The following SORCS2 variants were observed in gnomAD, a reference collection of about 807,000 sequenced individuals.
SORCS2 encodes VPS10 domain-containing receptor SorCS2.
A neutral mutation model predicts 141.6 loss-of-function variants in SORCS2; 100 were observed. That is an observed-to-expected ratio of 0.71 (90% CI 0.60 to 0.83). The LOEUF (loss-of-function observed/expected upper bound fraction) is 0.83, where lower values mean the gene tolerates loss of function less well. Among genes scored for constraint, SORCS2 ranks in the 40% least tolerant of loss-of-function variants. SORCS2 has a pLI of 0.00. For synonymous variants in SORCS2, 789 were observed against 676.9 expected (o/e 1.17, Z -2.57); for missense variants, 1,646 against 1,560.2 (o/e 1.05, Z -0.93).
intron 3 of SORCS2, among the ~76,000 whole-genome samples, chr4:7,610,633 T>C (rs1223384898): frequency 2.6e-5 from 4 of 151,980 alleles, no homozygotes; most frequent in African/African-American, 7.3e-5. Context: ...CAGAGTGGTG[T>C]GGAGGGGGCA....
chr4:7,269,456 C>T (rs116785541), intron 1 of SORCS2, among the ~76,000 whole-genome samples: 2 of 152,206 alleles, frequency 1.3e-5, no homozygotes, highest in Admixed American at 6.5e-5. Flanking sequence ...GAAATCAGAT[C>T]TTTATGGATG....
intron 2 of SORCS2, among the ~76,000 whole-genome samples, chr4:7,528,403 T>A (rs1434097993): frequency 4.5e-4 from 17 of 38,036 alleles, no homozygotes; most frequent in African/African-American, 9.8e-4. Context: ...AGCTGCTACG[T>A]TTTTTTTTTT....
chr4:7,480,390 C>T (rs868213337), intron 2 of SORCS2, among the ~76,000 whole-genome samples: 10 of 152,222 alleles, frequency 6.6e-5, no homozygotes, highest in African/African-American at 2.2e-4. Flanking sequence ...ACTCCTTCCC[C>T]TCTGGTACCC....
chr4:7,203,037 A>G (rs2108865064), intron 1 of SORCS2, among the ~76,000 whole-genome samples: 1 of 152,330 alleles, frequency 6.6e-6, no homozygotes, highest in African/African-American at 2.4e-5. Flanking sequence ...ATGGAAAATA[A>G]GGTTCGGTGT....
At chr4:7,454,636 G>A (rs1406267473) in intron 2 of SORCS2, among the ~76,000 whole-genome samples, 1 of 125,314 alleles carries the variant, frequency 8.0e-6, no homozygotes, top group Non-Finnish European at 1.7e-5. Flanking sequence ...GGTGCTGTGT[G>A]TTGGGGTCAG....
chr4:7,442,706 A>G (rs1431636666), intron 2 of SORCS2, among the ~76,000 whole-genome samples: 2 of 144,820 alleles, frequency 1.4e-5, no homozygotes, highest in African/African-American at 5.2e-5. Flanking sequence ...TCATGATATC[A>G]ACAAAGCGGA....
At chr4:7,556,938 T>TCCAC (rs1392338455) in intron 3 of SORCS2, among the ~76,000 whole-genome samples, 1 of 69,392 alleles carries the variant, frequency 1.4e-5, no homozygotes, top group Non-Finnish European at 2.7e-5. Flanking sequence ...CACCCATCCA[T>TCCAC]CCACCCACTC....
In SORCS2 at chr4:7,704,276, G is replaced by T. The variant is rs745576127; in HGVS notation, c.1860G>T (p.Leu620=). The T allele has an allele frequency of 1.9e-6, 3 of 1,610,724 alleles. No individual in the cohort carries two copies. The Admixed American group carries it at 5.0e-5, about 27-fold the overall frequency. The change falls in exon 14 of 27, where the codon CTG becomes CTT. Residue 620 remains leucine, a synonymous_variant. Transcript: ENST00000507866. ...GLLSEPGDET[L]VMTVFGHISF... ...TGAGTGAGCCAGGGGACGAGACGCT[G>T]GTCATGACGTGAGTGCGGGGACCGG...
At chr4:7,480,511 G>C (rs568321640) in intron 2 of SORCS2, among the ~76,000 whole-genome samples, 18 of 152,350 alleles carry the variant, frequency 1.2e-4, no homozygotes, top group African/African-American at 4.3e-4. Context: ...TGGGAGTGCA[G>C]GCTGTGTTCA....
At chr4:7,601,702 T>A (rs1040080573) in intron 3 of SORCS2, among the ~76,000 whole-genome samples, 4 of 151,802 alleles carry the variant, frequency 2.6e-5, no homozygotes, top group African/African-American at 9.7e-5. Context: ...TGATCATTCT[T>A]GGGTGTTTCT....
At chr4:7,385,684 GCCACCACCGTT>G (rs970295644) in intron 1 of SORCS2, among the ~76,000 whole-genome samples, 1 of 152,196 alleles carries the variant, frequency 6.6e-6, no homozygotes, top group Non-Finnish European at 1.5e-5. Flanking sequence ...GGCAGCTTGA[GCCACCACCGTT>G]CCCATGTGGT....
intron 1 of SORCS2, among the ~76,000 whole-genome samples, chr4:7,339,687 C>T (rs1255274708): frequency 6.6e-6 from 1 of 152,214 alleles, no homozygotes; most frequent in Non-Finnish European, 1.5e-5. Context: ...AAGGCCCTAT[C>T]TCCAAATAAG....
chr4:7,694,224 C>G (rs11730556), intron 11 of SORCS2, among the ~76,000 whole-genome samples: 99,223 of 151,940 alleles, frequency 0.65, 32,826 homozygotes, highest in East Asian at 0.91. Context: ...GGCAGGGGTC[C>G]TGGGCCTGAG....
chr4:7,605,700 C>T (rs1425276920), intron 3 of SORCS2, among the ~76,000 whole-genome samples: 1 of 152,114 alleles, frequency 6.6e-6, no homozygotes, highest in Non-Finnish European at 1.5e-5. Context: ...TTTTGGGATC[C>T]CTTGCTGTTT....
At chr4:7,300,074 G>A (rs530189914) in intron 1 of SORCS2, among the ~76,000 whole-genome samples, 28 of 152,280 alleles carry the variant, frequency 1.8e-4, no homozygotes, top group South Asian at 1.2e-3. Flanking sequence ...AGAGGATGGC[G>A]CGCCCTCCGC....
intron 2 of SORCS2, among the ~76,000 whole-genome samples, chr4:7,419,273 T>C (rs756103729): frequency 6.6e-6 from 1 of 152,140 alleles, no homozygotes; most frequent in Non-Finnish European, 1.5e-5. Context: ...GGCAGTTCCA[T>C]AGGGTCCTGA....
chr4:7,460,990 C>T (rs1729271833), intron 2 of SORCS2, among the ~76,000 whole-genome samples: 1 of 152,152 alleles, frequency 6.6e-6, no homozygotes, highest in Non-Finnish European at 1.5e-5. Context: ...CATCCTCGTG[C>T]TGCTCCTTGC....
intron 1 of SORCS2, among the ~76,000 whole-genome samples, chr4:7,244,717 C>A (rs1262001065): frequency 6.6e-6 from 1 of 152,232 alleles, no homozygotes; most frequent in Non-Finnish European, 1.5e-5. Context: ...CCTACCCTGA[C>A]TCCCACCTAC....
At chr4:7,473,998 C>A (rs1262241379) in intron 2 of SORCS2, among the ~76,000 whole-genome samples, 1 of 152,234 alleles carries the variant, frequency 6.6e-6, no homozygotes, top group African/African-American at 2.4e-5. Flanking sequence ...CTGCACCCAT[C>A]TGAAGCTCCT....
Sources: gnomAD v4.1 joint callset for allele counts (sites outside exome capture counted in the v4.1 genomes callset) on GRCh38, gnomAD v4.1.1 for gene constraint, MANE v1.5 for transcripts, NCBI Gene and HGNC (gene_info 2026-07-23, HGNC 2026-07-21) for gene names.